The following NCOA7 variants were observed in gnomAD, a reference collection of about 807,000 sequenced individuals.
The protein encoded by NCOA7 is nuclear receptor coactivator 7, also known as 140 kDa estrogen receptor-associated protein.
Under a neutral mutation model 104.3 loss-of-function variants are expected in NCOA7, and 45 were observed. The ratio of observed to expected loss-of-function variants is 0.43; its 90% CI spans 0.34 to 0.55. NCOA7 has a LOEUF of 0.55. Among genes scored for constraint, NCOA7 ranks in the 20% least tolerant of loss-of-function variants. The probability of loss-of-function intolerance (pLI) is 0.02; values close to 1 mark genes in which losing one functional copy is unlikely to be tolerated. For synonymous variants in NCOA7, 398 were observed against 402.3 expected, an observed-to-expected ratio of 0.99 and a Z score of 0.13; for missense variants, 1,041 against 1,119.7, an observed-to-expected ratio of 0.93 and a Z score of 1.00.
rs570010156 is a variant in NCOA7 at position 125,832,111 on chromosome 6, G to A, written c.50+16707G>A. ...GTGTTATCTGCTCTATACTTCTTCC[G>A]TATCTCCCTTTTGATTGACAGTTAA... On this transcript the variant is annotated intron_variant, in intron 2 of 15. Coordinates refer to ENST00000392477, the MANE Select transcript of NCOA7 (RefSeq NM_181782.5). Among the ~76,000 whole-genome samples the A allele has an allele frequency of 1.9e-4, 29 of 152,154 alleles. 1 individual carries two copies. The highest frequency in any genetic ancestry group is 5.9e-4 in the Admixed American group (9 of 15,294).
intron 1 of NCOA7, among the ~76,000 whole-genome samples, chr6:125,807,564 C>T (rs149020652): frequency 6.6e-6 from 1 of 152,294 alleles, no homozygotes; most frequent in African/African-American, 2.4e-5. Flanking sequence ...CTTAGTACCT[C>T]ACCAGTAAAA....
intron 11 of NCOA7, among the ~76,000 whole-genome samples, chr6:125,915,834 C>T (rs1038178530): frequency 6.6e-6 from 1 of 152,056 alleles, no homozygotes; most frequent in African/African-American, 2.4e-5. Context: ...CTCATAGCTG[C>T]CATTATAGAA....
intron 3 of NCOA7, among the ~76,000 whole-genome samples, chr6:125,867,257 G>C (rs574954123): frequency 6.6e-6 from 1 of 152,264 alleles, no homozygotes; most frequent in East Asian, 1.9e-4. Context: ...TCTTTACACA[G>C]ACAATTATGT....
chr6:125,818,474 TGA>T (rs1396375417), intron 2 of NCOA7, among the ~76,000 whole-genome samples: 1 of 152,112 alleles, frequency 6.6e-6, no homozygotes, highest in East Asian at 1.9e-4. Context: ...GGCACAAGGA[TGA>T]AATCAGTGAT....
rs77931811 is a variant in NCOA7 at position 125,817,201 on chromosome 6, G to T, written c.50+1797G>T. 9.2e-3 allele frequency among the ~76,000 whole-genome samples: 1,394 copies of T among 152,278 alleles called. 15 individuals are homozygous for T. Among genetic ancestry groups the T allele is most frequent in the African/African-American group, 0.032 (1,326 of 41,558 alleles). ...GTTGTTTCCAGTTTGGGCTATTTAT[G>T]AACAAAGATGCTAGATGCTACAATC... On this transcript the variant is annotated intron_variant, in intron 2 of 15. Transcript: ENST00000392477.
At chr6:125,909,461 T>A (rs545528802) in intron 10 of NCOA7, among the ~76,000 whole-genome samples, 34 of 152,174 alleles carry the variant, frequency 2.2e-4, no homozygotes, top group South Asian at 1.9e-3. Context: ...ATTGAGTAAG[T>A]CAGGTTAACT....
chr6:125,831,083 G>T (rs1779149115), intron 2 of NCOA7, among the ~76,000 whole-genome samples: 1 of 152,010 alleles, frequency 6.6e-6, no homozygotes, highest in Non-Finnish European at 1.5e-5. Context: ...ATGCATTATG[G>T]CATATTAGTA....
At chr6:125,881,716 A>G (rs1436327462) in intron 6 of NCOA7, among the ~76,000 whole-genome samples, 1 of 150,700 alleles carries the variant, frequency 6.6e-6, no homozygotes, top group Non-Finnish European at 1.5e-5. Flanking sequence ...CTTGTGTAAA[A>G]GTATGAAGTT....
Position 125,928,997 on chromosome 6 carries a change from T to C in NCOA7, c.*226T>C, listed in dbSNP as rs1562198662. The C allele has an allele frequency of 6.9e-6, 3 of 434,966 alleles. No homozygotes were observed. The highest frequency in any genetic ancestry group is 1.2e-5 in the Non-Finnish European group (3 of 249,696). 26.9% of individuals were successfully genotyped at this position (434,966 alleles called of 1,614,324 possible). A position where few individuals can be genotyped will look rare whatever the true frequency, so the allele number is the denominator to read the frequency against. ...TAAAATCCAGGTTGTTGAAAAGACT[T>C]TGTACTCCCACTTCCTCCAAATCCA... On this transcript the variant is annotated 3_prime_UTR_variant, in exon 16 of 16. Transcript: ENST00000392477.
chr6:125,870,257 T>C (rs1310977700), intron 3 of NCOA7, among the ~76,000 whole-genome samples: 3 of 152,194 alleles, frequency 2.0e-5, no homozygotes, highest in Non-Finnish European at 4.4e-5. Flanking sequence ...CCACTACATT[T>C]TAGTAGATGA....
chr6:125,864,906 A>G lies in NCOA7; in HGVS notation c.271+9666A>G, dbSNP rs916353357. ...TTCTTCTGAAGTGTTCATATGCACA[A>G]TTATTGTCCTTGATCCATTTATGAA... On this transcript the variant is annotated intron_variant, in intron 3 of 15. Transcript: ENST00000392477. Among the ~76,000 whole-genome samples the G allele has an allele frequency of 5.8e-5, 8 of 138,088 alleles. 1 individual carries two copies. The highest frequency in any genetic ancestry group is 9.1e-5 in the African/African-American group (3 of 33,088). 90.6% of individuals were successfully genotyped at this position (138,088 alleles called of 152,430 possible).
intron 11 of NCOA7, among the ~76,000 whole-genome samples, chr6:125,920,278 C>A (rs1787458274): frequency 6.6e-6 from 1 of 152,188 alleles, no homozygotes; most frequent in Admixed American, 6.5e-5. Context: ...TAGCTGTTAT[C>A]ATTCGTTATT....
intron 3 of NCOA7, among the ~76,000 whole-genome samples, chr6:125,859,217 C>T (rs1459423199): frequency 1.3e-5 from 2 of 150,810 alleles, no homozygotes; most frequent in East Asian, 3.9e-4. Context: ...ATTTGATGGT[C>T]AGTGTAGTGT....
intron 3 of NCOA7, among the ~76,000 whole-genome samples, chr6:125,861,091 G>A (rs1382681837): frequency 6.6e-6 from 1 of 152,124 alleles, no homozygotes; most frequent in Non-Finnish European, 1.5e-5. Context: ...TATAAAATGT[G>A]TAATGTCTAT....
upstream of NCOA7, chr6:125,786,306 C>T (rs1774462230): frequency 2.0e-5 from 3 of 152,180 alleles, no homozygotes; most frequent in South Asian, 6.2e-4. Flanking sequence ...GTAGCCTAAG[C>T]TCATCACTTA....
At chr6:125,860,328 A>C (rs1319459146) in intron 3 of NCOA7, among the ~76,000 whole-genome samples, 2 of 152,162 alleles carry the variant, frequency 1.3e-5, no homozygotes, top group African/African-American at 2.4e-5. Flanking sequence ...AATTGACATG[A>C]ACTATATCAT....
chr6:125,888,883 T>C, intron 8 of NCOA7, 56 bp from the exon 9 acceptor site: 3 of 1,365,988 alleles, frequency 2.2e-6, no homozygotes, highest in Middle Eastern at 1.9e-4. Flanking sequence ...TCCTCCATTT[T>C]GTTTTTGGTT....
chr6:125,911,563 C>T (rs1439552423), intron 10 of NCOA7, among the ~76,000 whole-genome samples: 14 of 152,168 alleles, frequency 9.2e-5, no homozygotes, highest in Admixed American at 8.5e-4. Flanking sequence ...CTCCCCTTTC[C>T]CTTTTACAGG....
intron 3 of NCOA7, among the ~76,000 whole-genome samples, chr6:125,857,341 A>G (rs1190708655): frequency 6.6e-6 from 1 of 152,082 alleles, no homozygotes; most frequent in Non-Finnish European, 1.5e-5. Flanking sequence ...GGGCTCAAGC[A>G]GTCCTTCTGC....
Sources: gnomAD v4.1 joint callset for allele counts (sites outside exome capture counted in the v4.1 genomes callset) on GRCh38, gnomAD v4.1.1 for gene constraint, MANE v1.5 for transcripts, NCBI Gene and HGNC (gene_info 2026-07-23, HGNC 2026-07-21) for gene names.